Variants in RTN4 observed in about 807,000 individuals in gnomAD.
RTN4 encodes reticulon 4.
RTN4 carries 32 observed loss-of-function variants against 90.4 expected under a neutral mutation model. The ratio of observed to expected loss-of-function variants is 0.35; its 90% CI spans 0.27 to 0.48. The LOEUF is 0.48. Ranked by LOEUF, RTN4 falls within the 20% of genes least tolerant of loss-of-function variation. The pLI, the probability that RTN4 is intolerant of heterozygous loss-of-function variation, is 0.99. For synonymous variants in RTN4, 629 were observed against 552.5 expected (o/e 1.14, Z -1.94); for missense variants, 1,706 against 1,430.2 (o/e 1.19, Z -3.11).
intron 1 of RTN4, among the ~76,000 whole-genome samples, chr2:55,108,494 G>C (rs1439155289): frequency 6.6e-6 from 1 of 151,984 alleles, no homozygotes; most frequent in African/African-American, 2.4e-5. Context: ...GGTTTAGTAG[G>C]TTCAGAATCC....
At chr2:54,978,946 C>T (rs912452668) in intron 5 of RTN4, among the ~76,000 whole-genome samples, 1 of 151,922 alleles carries the variant, frequency 6.6e-6, no homozygotes, top group Non-Finnish European at 1.5e-5. Flanking sequence ...ACATTTTTTG[C>T]TTGCTTTAGG....
chr2:55,125,556 A>G, the RTN4 span, among the ~76,000 whole-genome samples: 1 of 152,232 alleles, frequency 6.6e-6, no homozygotes, highest in South Asian at 2.1e-4. Context: ...ACTTGAGGTT[A>G]TGAGTTCGAG....
chr2:55,008,572 G>A (rs1431317414), intron 3 of RTN4, among the ~76,000 whole-genome samples: 1 of 152,064 alleles, frequency 6.6e-6, no homozygotes, highest in Non-Finnish European at 1.5e-5. Flanking sequence ...TACAAAGTGA[G>A]GCTCCCCAGA....
chr2:55,088,000 G>A (rs1261990827), intron 1 of RTN4, among the ~76,000 whole-genome samples: 2 of 152,224 alleles, frequency 1.3e-5, no homozygotes, highest in Non-Finnish European at 2.9e-5. Flanking sequence ...TAGAGCTGTG[G>A]TTGTGGAACC....
intron 2 of RTN4, among the ~76,000 whole-genome samples, chr2:55,058,431 A>G (rs1668228755): frequency 6.6e-6 from 1 of 152,224 alleles, no homozygotes; most frequent in Admixed American, 6.5e-5. Flanking sequence ...ACCACACAAA[A>G]TCAGATTCAT....
intron 1 of RTN4, among the ~76,000 whole-genome samples, chr2:55,035,742 A>C (rs529281367): frequency 6.6e-6 from 1 of 152,280 alleles, no homozygotes; most frequent in South Asian, 2.1e-4. Context: ...CAAGTATTGA[A>C]AATAAAAGAG....
intron 2 of RTN4, among the ~76,000 whole-genome samples, chr2:55,068,685 G>T: frequency 8.7e-6 from 1 of 115,592 alleles, no homozygotes; most frequent in South Asian, 3.3e-4. Context: ...AAAAGGGGGG[G>T]GGGTGGGGGC....
intron 2 of RTN4, among the ~76,000 whole-genome samples, chr2:55,077,214 C>T (rs1668618937): frequency 6.6e-6 from 1 of 152,038 alleles, no homozygotes; most frequent in Admixed American, 6.5e-5. Flanking sequence ...GGGGTTTCAC[C>T]GTGTTAGCCA....
chr2:55,061,838 C>G (rs1558863069), intron 2 of RTN4, among the ~76,000 whole-genome samples: 1 of 152,198 alleles, frequency 6.6e-6, no homozygotes, highest in Non-Finnish European at 1.5e-5. Context: ...ACGACAGGCA[C>G]TCCTGCCTTG....
chr2:55,070,361 T>C (rs974601251), intron 2 of RTN4, among the ~76,000 whole-genome samples: 20 of 151,136 alleles, frequency 1.3e-4, no homozygotes, highest in Middle Eastern at 6.8e-3. Context: ...GAGTTCAACA[T>C]AGCGAGATCT....
chr2:54,980,266 C>T (rs905316410), intron 5 of RTN4, among the ~76,000 whole-genome samples: 5 of 152,238 alleles, frequency 3.3e-5, no homozygotes, highest in East Asian at 1.9e-4. Flanking sequence ...TTCTCAAATA[C>T]GTGTGCAAAA....
At chr2:55,056,911 T>G (rs1573487269) in intron 2 of RTN4, among the ~76,000 whole-genome samples, 4 of 152,202 alleles carry the variant, frequency 2.6e-5, no homozygotes, top group Admixed American at 1.3e-4. Context: ...TCAGAGGTTA[T>G]GCAATAAGAT....
chr2:55,007,129 T>A (rs1010324481), intron 3 of RTN4, among the ~76,000 whole-genome samples: 4 of 152,170 alleles, frequency 2.6e-5, no homozygotes, highest in African/African-American at 9.6e-5. Context: ...AATATTTCAC[T>A]CTAATTCAAA....
chr2:55,032,133 T>C (rs552767727), intron 1 of RTN4, among the ~76,000 whole-genome samples: 40 of 151,734 alleles, frequency 2.6e-4, no homozygotes, highest in Admixed American at 5.3e-4. Flanking sequence ...CAGGCTGGAG[T>C]ACAGCGGGGC....
chr2:55,015,912 TA>T (rs1680999949), intron 3 of RTN4, among the ~76,000 whole-genome samples: 2 of 152,318 alleles, frequency 1.3e-5, no homozygotes, highest in South Asian at 4.1e-4. Flanking sequence ...GATAAAAGGG[TA>T]AAAATTAGTA....
At chr2:54,997,772 T>C (rs1328596916) in intron 3 of RTN4, among the ~76,000 whole-genome samples, 2 of 152,180 alleles carry the variant, frequency 1.3e-5, no homozygotes, top group Non-Finnish European at 2.9e-5. Context: ...TAGGTGAGTA[T>C]AGTACAATGA....
At position 55,025,325 on chromosome 2, in the gene RTN4, T is replaced by C; in HGVS notation, c.2774A>G (p.Gln925Arg). Reference sequence around the variant, plus strand: ...ACTGATTTTCTCTTCAACTTTGGGTTGTATGTTCTTCAAAGAAAGGTCATG... The same window carrying C: ...ACTGATTTTCTCTTCAACTTTGGGTCGTATGTTCTTCAAAGAAAGGTCATG... ...LPHDLSLKNI[Q>R]PKVEEKISFS... The change falls in exon 3 of 9, where the codon CAA (glutamine) becomes CGA (arginine). Residue 925 changes from glutamine (Q) to arginine (R), a missense_variant. Coordinates refer to ENST00000337526, the MANE Select transcript of RTN4 (RefSeq NM_020532.5). The C allele has an allele frequency of 6.2e-7, 1 of 1,613,940 alleles. No homozygotes were observed. Among genetic ancestry groups the C allele is most frequent in the Non-Finnish European group, 8.5e-7 (1 of 1,179,886 alleles).
chr2:55,088,515 C>T (rs941441685), intron 1 of RTN4, among the ~76,000 whole-genome samples: 1 of 152,142 alleles, frequency 6.6e-6, no homozygotes, highest in Admixed American at 6.5e-5. Flanking sequence ...ATACTGAATA[C>T]TTTGGAACAG....
intron 1 of RTN4, chr2:55,049,538 G>A (rs1345916756): frequency 1.2e-6 from 1 of 800,236 alleles, no homozygotes; most frequent in Non-Finnish European, 2.1e-6. Flanking sequence ...CCGAAACCAA[G>A]ACGGACAATA....
Sources: allele counts gnomAD v4.1 joint callset (sites outside exome capture counted in the v4.1 genomes callset), GRCh38; gene constraint gnomAD v4.1.1; transcripts MANE v1.5; gene names NCBI Gene and HGNC (gene_info 2026-07-23, HGNC 2026-07-21).